Variants in MBNL2 observed in about 807,000 individuals in gnomAD.
MBNL2 encodes the protein muscleblind-like protein 2.
A neutral mutation model predicts 41.9 loss-of-function variants in MBNL2; 17 were observed. The ratio of observed to expected loss-of-function variants is 0.41; its 90% confidence interval spans 0.28 to 0.61. MBNL2 has a LOEUF of 0.61. MBNL2 is among the 20% of genes least tolerant of loss of function. MBNL2 has a pLI of 0.35. For missense variants in MBNL2, 336 were observed against 505.6 expected (o/e 0.66, Z 3.22); for synonymous variants, 195 against 182.9 (o/e 1.07, Z -0.53).
chr13:97,377,917 C>T (rs750821610), intron 8 of MBNL2, among the ~76,000 whole-genome samples: 8 of 152,144 alleles, frequency 5.3e-5, no homozygotes, highest in African/African-American at 1.2e-4. Flanking sequence ...AACTAGAAAG[C>T]GCCCTCCATC....
chr13:97,334,142 G>GCACACCCACA lies in MBNL2; in HGVS notation c.175-128_175-119dup, dbSNP rs1555315946. On this transcript the variant is annotated intron_variant, in intron 2 of 8. Transcript: ENST00000679496. The surrounding 1 kb of genome is among the most constrained non-coding windows in gnomAD (Gnocchi z 5.3). ...CCAACAAACACATGAGCATGCGCGC[G>GCACACCCACA]CACACCCACACACACACACACACAC... is the stretch of plus-strand genomic sequence containing the variant. 52 of 371,862 alleles carry GCACACCCACA rather than the reference G, an allele frequency of 1.4e-4. No individual in the cohort carries two copies. Among genetic ancestry groups the GCACACCCACA allele is most frequent in the Non-Finnish European group, 2.0e-4 (43 of 212,646 alleles). 23.0% of individuals were successfully genotyped at this position (371,862 alleles called of 1,614,324 possible).
At chr13:97,184,268 A>G in the MBNL2 span, among the ~76,000 whole-genome samples, 1 of 152,226 alleles carries the variant, frequency 6.6e-6, no homozygotes, top group Non-Finnish European at 1.5e-5. Flanking sequence ...CTTGTTACAC[A>G]GATCTACTTA....
chr13:97,186,386 C>T, the MBNL2 span, among the ~76,000 whole-genome samples: 7 of 152,268 alleles, frequency 4.6e-5, no homozygotes, highest in East Asian at 1.9e-4. Flanking sequence ...TGACTTCCTA[C>T]GGTGTACACT....
At chr13:97,350,655 T>A (rs1383279420) in intron 5 of MBNL2, among the ~76,000 whole-genome samples, 1 of 152,256 alleles carries the variant, frequency 6.6e-6, no homozygotes, top group Non-Finnish European at 1.5e-5. Context: ...CTCAAGAAAC[T>A]ACTTTCTTTG....
the MBNL2 span, among the ~76,000 whole-genome samples, chr13:97,157,512 T>C: frequency 9.8e-6 from 1 of 102,320 alleles, no homozygotes; most frequent in East Asian, 3.0e-4. Context: ...GCCCATTCAG[T>C]ATGATATTGG....
chr13:97,218,724 A>G (rs1333093027), upstream of MBNL2, among the ~76,000 whole-genome samples: 1 of 152,102 alleles, frequency 6.6e-6, no homozygotes, highest in African/African-American at 2.4e-5. Flanking sequence ...TAGATATAGA[A>G]AAATAAGGAA....
chr13:97,259,592 C>A (rs986902747), intron 1 of MBNL2, among the ~76,000 whole-genome samples: 2 of 152,318 alleles, frequency 1.3e-5, no homozygotes, highest in South Asian at 4.2e-4. Context: ...GGCCTGCTGA[C>A]AAATCTAGGC....
At chr13:97,324,966 G>T (rs1310431366) in intron 2 of MBNL2, among the ~76,000 whole-genome samples, 1 of 152,092 alleles carries the variant, frequency 6.6e-6, no homozygotes, top group Non-Finnish European at 1.5e-5. Flanking sequence ...TTGAGGGTGG[G>T]TCTGCCTCTC....
intron 3 of MBNL2, among the ~76,000 whole-genome samples, chr13:97,335,018 T>C (rs2060757567): frequency 6.6e-6 from 1 of 152,214 alleles, no homozygotes; most frequent in Admixed American, 6.5e-5. Context: ...AGGAAGACCC[T>C]ACCTGAGTGA....
chr13:97,344,416 G>A (rs556257728), intron 4 of MBNL2, among the ~76,000 whole-genome samples: 16 of 152,292 alleles, frequency 1.1e-4, no homozygotes, highest in Middle Eastern at 3.4e-3. Context: ...TGGTTAGGAC[G>A]TACACAGTGC....
At chr13:97,373,038 G>A (rs912021340) in intron 8 of MBNL2, among the ~76,000 whole-genome samples, 1 of 152,170 alleles carries the variant, frequency 6.6e-6, no homozygotes, top group Admixed American at 6.5e-5. Flanking sequence ...GTAGGATCCT[G>A]TCCTCTCTCT....
intron 1 of MBNL2, among the ~76,000 whole-genome samples, chr13:97,260,513 T>C (rs1337161781): frequency 6.6e-6 from 1 of 151,758 alleles, no homozygotes; most frequent in Non-Finnish European, 1.5e-5. Context: ...TTTGCACTCA[T>C]GTTGTGAGAG....
At chr13:97,213,855 T>C in the MBNL2 span, among the ~76,000 whole-genome samples, 57 of 152,250 alleles carry the variant, frequency 3.7e-4, no homozygotes, top group African/African-American at 1.3e-3. Context: ...CAAAACCAGT[T>C]GCATTTAATT....
chr13:97,211,114 A>C, the MBNL2 span, among the ~76,000 whole-genome samples: 1 of 152,168 alleles, frequency 6.6e-6, no homozygotes, highest in African/African-American at 2.4e-5. Context: ...CCAGGGAGTT[A>C]AAATCTTTTC....
chr13:97,366,440 A>T lies in MBNL2; in HGVS notation c.1048+1269A>T. 7.8e-7 allele frequency: 1 copy of T among 1,276,586 alleles called. No individual in the cohort carries two copies. Among genetic ancestry groups the T allele is most frequent in the Non-Finnish European group, 1.1e-6 (1 of 875,430 alleles). 79.1% of individuals were successfully genotyped at this position (1,276,586 alleles called of 1,614,324 possible). A position where few individuals can be genotyped will look rare whatever the true frequency, so the allele number is the denominator to read the frequency against. On this transcript the variant is annotated intron_variant, in intron 8 of 8. Transcript: ENST00000679496. This position sits in a 1 kb window ranked among gnomAD's most constrained non-coding sequence, Gnocchi z 4.7. ...CTACACCCTCCTGTTCATTGCTCCC[A>T]TGGTTCCCCTCCTGAAAGTACCCAT...
chr13:97,386,103 T>A (rs780473830), intron 8 of MBNL2, among the ~76,000 whole-genome samples: 2 of 152,198 alleles, frequency 1.3e-5, no homozygotes, highest in African/African-American at 4.8e-5. Flanking sequence ...GTTGGTCACA[T>A]ACTCTCTTTC....
At chr13:97,190,641 T>G in the MBNL2 span, among the ~76,000 whole-genome samples, 1 of 152,332 alleles carries the variant, frequency 6.6e-6, no homozygotes, top group Non-Finnish European at 1.5e-5. Flanking sequence ...GAGCCTGATA[T>G]TCTCATCCAT....
At chr13:97,231,624 G>A (rs1248774548) in intron 1 of MBNL2, among the ~76,000 whole-genome samples, 1 of 152,170 alleles carries the variant, frequency 6.6e-6, no homozygotes, top group East Asian at 1.9e-4. Flanking sequence ...AAGGCATGAA[G>A]CCAGGGACTT....
intron 2 of MBNL2, among the ~76,000 whole-genome samples, chr13:97,332,872 G>A (rs1388273986): frequency 1.3e-5 from 2 of 152,176 alleles, no homozygotes; most frequent in Admixed American, 1.3e-4. Context: ...CCCAAAGAGG[G>A]TGACGCAACT....
Sources: allele counts gnomAD v4.1 joint callset (sites outside exome capture counted in the v4.1 genomes callset), GRCh38; gene constraint gnomAD v4.1.1; non-coding constraint Gnocchi (gnomAD v3.1); transcripts MANE v1.5; gene names NCBI Gene and HGNC (gene_info 2026-07-23, HGNC 2026-07-21).